ANKRD66: variants seen among roughly 807,000 people sequenced by gnomAD.
ANKRD66 encodes ankyrin repeat domain-containing protein 66.
A neutral mutation model predicts 10.9 loss-of-function variants in ANKRD66; 10 were observed. The ratio of observed to expected loss-of-function variants is 0.91; its 90% confidence interval spans 0.56 to 1.55. The LOEUF (loss-of-function observed/expected upper bound fraction) is 1.55, where lower values mean the gene tolerates loss of function less well. Ranked by LOEUF, ANKRD66 falls within the 40% of genes most tolerant of loss-of-function variation. The probability of loss-of-function intolerance (pLI) is 0.00; values close to 1 mark genes in which losing one functional copy is unlikely to be tolerated. For synonymous variants in ANKRD66, 85 were observed against 88.4 expected (o/e 0.96, Z 0.22); for missense variants, 252 against 242.9 (o/e 1.04, Z -0.25).
chr6:46,758,825 GC>G lies in ANKRD66; in HGVS notation c.496del (p.Leu166CysfsTer6). 1 of 1,551,554 alleles carries G rather than the reference GC, an allele frequency of 6.4e-7. No individual in the cohort carries two copies. The highest frequency in any genetic ancestry group is 8.7e-7 in the Non-Finnish European group (1 of 1,146,908). ...DWDAKKRELE[L>X]SLPSLNQNMN... ...GGGATGCCAAGAAAAGGGAGCTGGA[GC>G]TGTCTCTTCCTTCCCTAAATCAAAA... On this transcript the variant is annotated frameshift_variant, in exon 5 of 5. Transcript: ENST00000565422. LOFTEE classifies it low-confidence loss of function (END_TRUNC).
At chr6:46,754,596 T>G (rs1766343837) in intron 4 of ANKRD66, among the ~76,000 whole-genome samples, 1 of 152,124 alleles carries the variant, frequency 6.6e-6, no homozygotes, top group Non-Finnish European at 1.5e-5. Context: ...AAGTAGAGTA[T>G]TGGAGTGAGG....
At chr6:46,757,160 C>G (rs1047887503) in intron 4 of ANKRD66, 1 of 152,116 alleles carries the variant, frequency 6.6e-6, no homozygotes, top group Non-Finnish European at 1.5e-5. Context: ...TATCAGCTCC[C>G]ACTAAGAACT....
At chr6:46,748,890 CTT>C (rs1766201811) in intron 1 of ANKRD66, among the ~76,000 whole-genome samples, 1 of 152,196 alleles carries the variant, frequency 6.6e-6, no homozygotes, top group Non-Finnish European at 1.5e-5. Flanking sequence ...GTTGTGAGAA[CTT>C]GTTACAATGC....
At position 46,758,799 on chromosome 6, in the gene ANKRD66, T is replaced by C; in HGVS notation, c.469T>C (p.Trp157Arg). 3 of 1,551,474 alleles carry C rather than the reference T, an allele frequency of 1.9e-6. No individual in the cohort carries two copies. Among genetic ancestry groups the C allele is most frequent in the Non-Finnish European group, 2.6e-6 (3 of 1,146,884 alleles). ...GLPLDERDED[W>R]DAKKRELELS... ...GCCTCTGGATGAGCGTGATGAAGAC[T>C]GGGATGCCAAGAAAAGGGAGCTGGA... The change falls in exon 5 of 5, where the codon TGG becomes CGG. Residue 157 changes from tryptophan (W) to arginine (R), a missense_variant. By Grantham distance (101) the Trp-to-Arg change is moderately radical. Transcript: ENST00000565422.
chr6:46,750,980 A>G (rs1336774866), intron 2 of ANKRD66, among the ~76,000 whole-genome samples: 1 of 152,208 alleles, frequency 6.6e-6, no homozygotes, highest in African/African-American at 2.4e-5. Flanking sequence ...AGGGTGATAA[A>G]TATTTTCTAA....
intron 2 of ANKRD66, among the ~76,000 whole-genome samples, chr6:46,750,708 CATATA>C (rs1176904051): frequency 2.7e-5 from 4 of 148,040 alleles, no homozygotes; most frequent in Non-Finnish European, 5.9e-5. Context: ...CGTGTGTGTA[CATATA>C]ATATACACAT....
intron 2 of ANKRD66, 26 bp downstream of exon 2, chr6:46,750,005 T>C (rs771332068): frequency 7.8e-7 from 1 of 1,274,060 alleles, no homozygotes. Flanking sequence ...AGCACAATAA[T>C]TTGCATTTCT....
rs560363032 is a variant in ANKRD66 at position 46,759,114 on chromosome 6, G to A, written c.*193G>A. 9 of 439,790 alleles carry A rather than the reference G, an allele frequency of 2.0e-5. No individual in the cohort carries two copies. Among genetic ancestry groups the A allele is most frequent in the South Asian group, 8.6e-5 (1 of 11,596 alleles). 27.2% of individuals were successfully genotyped at this position (439,790 alleles called of 1,614,324 possible). ...GCACCTACTGTGTACAATAATTACC[G>A]GGAAAGGACAAAACCTGCTTGCATT... On this transcript the variant is annotated 3_prime_UTR_variant, in exon 5 of 5. Transcript: ENST00000565422.
In ANKRD66 at chr6:46,752,037, A is replaced by G; in HGVS notation, c.89A>G (p.Lys30Arg). 1 of 1,538,572 alleles carries G rather than the reference A, an allele frequency of 6.5e-7. No homozygotes were observed. The highest frequency in any genetic ancestry group is 8.8e-7 in the Non-Finnish European group (1 of 1,141,484). ...AGCTTAGTGAAGAAGATTTTGAAGA[A>G]AGGTCTCTGTGACCCAAACTACAAA... ...DYSLVKKILK[K>R]GLCDPNYKDV... Residue 30 changes from lysine to arginine, a missense_variant, in exon 3 of 5, where the codon AAA becomes AGA. Transcript: ENST00000565422.
intron 1 of ANKRD66, 103 bp downstream of exon 1, chr6:46,747,093 A>G (rs765302246): frequency 9.4e-6 from 11 of 1,169,836 alleles, no homozygotes; most frequent in African/African-American, 6.1e-5. Context: ...TTGATTTCCT[A>G]TCTTTATGGT....
chr6:46,750,860 A>G (rs1766255045), intron 2 of ANKRD66, among the ~76,000 whole-genome samples: 2 of 152,032 alleles, frequency 1.3e-5, no homozygotes, highest in Middle Eastern at 6.8e-3. Flanking sequence ...AATGATATCA[A>G]TGCACTTTCT....
intron 2 of ANKRD66, among the ~76,000 whole-genome samples, 173 bp downstream of exon 2, chr6:46,750,152 T>C (rs1308077345): frequency 6.6e-6 from 1 of 152,166 alleles, no homozygotes; most frequent in Non-Finnish European, 1.5e-5. Flanking sequence ...CTCTCTCCAC[T>C]CTTGTTTTCT....
chr6:46,748,416 C>A (rs1562089430), intron 1 of ANKRD66, among the ~76,000 whole-genome samples: 1 of 152,144 alleles, frequency 6.6e-6, no homozygotes, highest in Non-Finnish European at 1.5e-5. Flanking sequence ...TGCTTAAAGG[C>A]CTCTATGAAA....
At chr6:46,753,693 T>C in intron 3 of ANKRD66, 29 bp from the exon 4 acceptor site, 1 of 1,520,922 alleles carries the variant, frequency 6.6e-7, no homozygotes, top group Middle Eastern at 2.1e-4. Flanking sequence ...TATCCTAACC[T>C]CATCCTGTTT....
chr6:46,749,567 C>CCA (rs1450913241), intron 1 of ANKRD66, among the ~76,000 whole-genome samples: 1 of 103,082 alleles, frequency 9.7e-6, no homozygotes, highest in African/African-American at 3.9e-5. Flanking sequence ...CCCCCCCCCC[C>CCA]GCTTTTTTCT....
chr6:46,752,318 T>A (rs536480140), intron 3 of ANKRD66, among the ~76,000 whole-genome samples: 2 of 152,216 alleles, frequency 1.3e-5, no homozygotes, highest in African/African-American at 4.8e-5. Flanking sequence ...CACTATAACC[T>A]CCACCTCCTG....
intron 1 of ANKRD66, among the ~76,000 whole-genome samples, chr6:46,749,474 G>GA (rs1554185826): frequency 1.3e-5 from 2 of 151,952 alleles, no homozygotes; most frequent in Non-Finnish European, 1.5e-5. Flanking sequence ...CAGGCAAGGG[G>GA]GGCAGGGTGG....
intron 4 of ANKRD66, among the ~76,000 whole-genome samples, chr6:46,755,902 A>C (rs1766373667): frequency 6.6e-6 from 1 of 152,168 alleles, no homozygotes; most frequent in Non-Finnish European, 1.5e-5. Context: ...AGTTTTCTGT[A>C]TTTTTATTGT....
At position 46,759,031 on chromosome 6, in the gene ANKRD66, C is replaced by T; in HGVS notation, c.*110C>T. 8.9e-7 allele frequency: 1 copy of T among 1,129,332 alleles called. No homozygotes were observed. Among genetic ancestry groups the T allele is most frequent in the Non-Finnish European group, 1.2e-6 (1 of 813,116 alleles). The allele number at this position is 1,129,332 out of a possible 1,614,324, so 70.0% of individuals were successfully genotyped here. ...TACTCATAGACCCTTACCCACCTGG[C>T]TTCTGCCCATGGACCTGTCATTAGG... On this transcript the variant is annotated 3_prime_UTR_variant, in exon 5 of 5. Coordinates refer to ENST00000565422, the MANE Select transcript of ANKRD66 (RefSeq NM_001162435.3).
Sources: allele counts gnomAD v4.1 joint callset (sites outside exome capture counted in the v4.1 genomes callset), GRCh38; gene constraint gnomAD v4.1.1; transcripts MANE v1.5; gene names NCBI Gene and HGNC (gene_info 2026-07-23, HGNC 2026-07-21).